CAMSAP1: variants seen among roughly 807,000 people sequenced by gnomAD.
CAMSAP1 encodes calmodulin regulated spectrin associated protein 1.
CAMSAP1 carries 58 observed loss-of-function variants against 143.5 expected under a neutral mutation model. The ratio of observed to expected loss-of-function variants is 0.40; its 90% CI spans 0.33 to 0.50. CAMSAP1 has a LOEUF of 0.50. Among genes scored for constraint, CAMSAP1 ranks in the 20% least tolerant of loss-of-function variants. The pLI is 0.45. For missense variants in CAMSAP1, 1,969 were observed against 2,115.7 expected, an observed-to-expected ratio of 0.93 and a Z score of 1.36; for synonymous variants, 945 against 859.3, an observed-to-expected ratio of 1.10 and a Z score of -1.74.
chr9:135,861,188 G>A (rs1330439165), intron 5 of CAMSAP1, among the ~76,000 whole-genome samples: 3 of 152,128 alleles, frequency 2.0e-5, no homozygotes, highest in Non-Finnish European at 4.4e-5. Flanking sequence ...ATAGGCCCAG[G>A]GCCAAACGAA....
chr9:135,873,777 A>T (rs1837642600), intron 3 of CAMSAP1, among the ~76,000 whole-genome samples: 1 of 152,196 alleles, frequency 6.6e-6, no homozygotes, highest in African/African-American at 2.4e-5. Flanking sequence ...ATTCATAATT[A>T]AAATCGTCTA....
chr9:135,901,598 G>A (rs1192118836), intron 1 of CAMSAP1, among the ~76,000 whole-genome samples: 1 of 152,104 alleles, frequency 6.6e-6, no homozygotes, highest in South Asian at 2.1e-4. Flanking sequence ...CTGGGCAACA[G>A]AGCAAGACCC....
rs942306449 is a variant in CAMSAP1 at position 135,824,818 on chromosome 9, T to C, written c.1286A>G (p.Gln429Arg). The change falls in exon 9 of 17, where the codon CAG (glutamine) becomes CGG (arginine). Residue 429 changes from glutamine to arginine, a missense_variant. Physicochemically the swap from Gln to Arg is conservative, Grantham distance 43. Transcript: ENST00000389532. This position sits in a 1 kb window ranked among gnomAD's most constrained non-coding sequence, Gnocchi z 4.1. ...HPLLPLRQKQ[Q>R]KSIQGEDIPD... Reference sequence around the variant, plus strand: ...GATGTCCTCTCCCTGTATGGATTTCTGCTGTTTCTGTCTCAGTGGCAATAA... The same window carrying C: ...GATGTCCTCTCCCTGTATGGATTTCCGCTGTTTCTGTCTCAGTGGCAATAA... The C allele has an allele frequency of 3.7e-6, 6 of 1,602,736 alleles. No homozygotes were observed. The African/African-American group carries it at 8.0e-5, about 21-fold the overall frequency.
chr9:135,827,316 TA>T (rs1056825869), intron 8 of CAMSAP1, 90 bp downstream of exon 8: 3 of 1,272,578 alleles, frequency 2.4e-6, no homozygotes, highest in East Asian at 2.7e-5. Flanking sequence ...TTGCTTATTT[TA>T]AAAAAGGTAA....
chr9:135,863,741 G>T (rs1252853644), intron 4 of CAMSAP1, among the ~76,000 whole-genome samples: 1 of 151,986 alleles, frequency 6.6e-6, no homozygotes, highest in East Asian at 1.9e-4. Flanking sequence ...TTGTTTCTCG[G>T]GAGCCCACGG....
rs1312913569 is a variant in CAMSAP1 at position 135,907,533 on chromosome 9, G to C, written c.-374C>G. On this transcript the variant is annotated 5_prime_UTR_variant, in exon 1 of 17. Transcript: ENST00000389532. ...CAGCGGCTGAGGCGGTGGCCAAGGA[G>C]CGGGAGCGCGCTCACCGCCGGGGCC... 6.7e-6 allele frequency among the ~76,000 whole-genome samples: 1 copy of C among 149,514 alleles called. No homozygotes were observed. Among genetic ancestry groups the C allele is most frequent in the Non-Finnish European group, 1.5e-5 (1 of 66,858 alleles).
chr9:135,870,967 TAATAG>T (rs1301838078), intron 3 of CAMSAP1, among the ~76,000 whole-genome samples: 1 of 152,204 alleles, frequency 6.6e-6, no homozygotes, highest in East Asian at 1.9e-4. Context: ...AATTTTGGTG[TAATAG>T]CAAAAACAGA....
chr9:135,905,301 T>C (rs972959287), intron 1 of CAMSAP1, among the ~76,000 whole-genome samples: 14 of 152,216 alleles, frequency 9.2e-5, no homozygotes, highest in African/African-American at 3.4e-4. Flanking sequence ...CCATGCTGAA[T>C]GCCAAAGCTA....
chr9:135,848,636 G>C (rs960125266), intron 7 of CAMSAP1, among the ~76,000 whole-genome samples: 2 of 152,178 alleles, frequency 1.3e-5, no homozygotes, highest in Admixed American at 1.3e-4. Context: ...ATTATCAGGA[G>C]AATCTTCCTT....
At chr9:135,865,472 G>A (rs1837342430) in intron 4 of CAMSAP1, 23 of 1,093,882 alleles carry the variant, frequency 2.1e-5, no homozygotes, top group South Asian at 1.4e-4. Context: ...CGGCAGAGGC[G>A]GGAGAGCCTC....
rs892346047 is a variant in CAMSAP1, at chr9:135,881,790, G to C, written c.428C>G (p.Ala143Gly). ...CAGGGCATCCACCATTGCCATGTGG[G>C]CACTCTAGGGGCAGAGGCAGCAGCT... ...DLSRAPIKMS[A>G]HMAMVDALMM... The change falls in exon 3 of 17, where the codon GCC becomes GGC. Residue 143 changes from alanine to glycine, a missense_variant. Ala to Gly is a moderately conservative substitution (Grantham distance 60). Coordinates refer to ENST00000389532, the MANE Select transcript of CAMSAP1 (RefSeq NM_015447.4). 1.9e-6 allele frequency: 3 copies of C among 1,551,864 alleles called. No individual in the cohort carries two copies. The highest frequency in any genetic ancestry group is 4.9e-5 in the East Asian group (2 of 40,932).
chr9:135,861,935 C>A (rs1009140474), intron 5 of CAMSAP1, among the ~76,000 whole-genome samples: 1 of 152,214 alleles, frequency 6.6e-6, no homozygotes, highest in East Asian at 1.9e-4. Context: ...ACACTGTCAT[C>A]GGAACGTCCC....
At position 135,862,483 on chromosome 9, in the gene CAMSAP1, C is replaced by T. The variant is rs1192040678; in HGVS notation, c.792G>A (p.Glu264=). ...TCCACTCACCATCCAGTTTCATCTG[C>T]TCTGGGCAATAATAGTGAATCACAG... ...LLAVIHYYCP[E]QMKLDDICLK... The change falls in exon 5 of 17, where the codon GAG becomes GAA. Residue 264 remains glutamate (E), a synonymous_variant. Coordinates refer to ENST00000389532, the MANE Select transcript of CAMSAP1 (RefSeq NM_015447.4). 6.4e-7 allele frequency: 1 copy of T among 1,551,412 alleles called. No individual in the cohort carries two copies. Among genetic ancestry groups the T allele is most frequent in the East Asian group, 2.4e-5 (1 of 40,914 alleles).
At position 135,907,097 on chromosome 9, in the gene CAMSAP1, G is replaced by A. The variant is rs1429598024; in HGVS notation, c.63C>T (p.Asp21=). The A allele has an allele frequency of 8.7e-7, 1 of 1,145,058 alleles. No individual in the cohort carries two copies. The highest frequency in any genetic ancestry group is 1.1e-6 in the Non-Finnish European group (1 of 928,944). 70.9% of individuals were successfully genotyped at this position (1,145,058 alleles called of 1,614,324 possible). ...CCAGGGGCACGAGGTCGGCGGCGCC[G>A]TCCGGCGGGGCCTCCATCTTCCTCC... The part of the protein sequence containing the change: ...EGWRKMEAPP[D]GAADLVPLDR... Residue 21 remains aspartate (D), a synonymous_variant, in exon 1 of 17, where the codon GAC becomes GAT. Coordinates refer to ENST00000389532, the MANE Select transcript of CAMSAP1 (RefSeq NM_015447.4).
chr9:135,831,381 C>A (rs1835854783), intron 7 of CAMSAP1, among the ~76,000 whole-genome samples: 1 of 152,044 alleles, frequency 6.6e-6, no homozygotes, highest in African/African-American at 2.4e-5. Context: ...GACCTGTAAT[C>A]CCAGCACTTT....
Position 135,882,115 on chromosome 9 carries a change from C to T in CAMSAP1, c.424-321G>A, listed in dbSNP as rs117808099. On this transcript the variant is annotated intron_variant, in intron 2 of 16. Transcript: ENST00000389532. This position sits in a 1 kb window ranked among gnomAD's most constrained non-coding sequence, Gnocchi z 4.9. ...AGCCCTGTGGGACTCCCAGGAAAGG[C>T]GGTGCAGCTCCCAGGTCGTGGTTGT... is the stretch of plus-strand genomic sequence containing the variant. Among the ~76,000 whole-genome samples, 1,025 of 152,290 alleles carry T rather than the reference C, an allele frequency of 6.7e-3. 10 individuals carry two copies. The highest frequency in any genetic ancestry group is 9.2e-3 in the Non-Finnish European group (624 of 68,014).
rs181011942 is a variant in CAMSAP1, at chr9:135,869,925, C to T, written c.586-3389G>A. Among the ~76,000 whole-genome samples, 6 of 152,266 alleles carry T rather than the reference C, an allele frequency of 3.9e-5. No individual in the cohort carries two copies. The East Asian group carries it at 5.8e-4, about 15-fold the overall frequency. On this transcript the variant is annotated intron_variant, in intron 3 of 16. Coordinates refer to ENST00000389532, the MANE Select transcript of CAMSAP1 (RefSeq NM_015447.4). ...CATGCTCTGTGAAAGATGCCAGGCACGGAAGATCACATACTGTATGATACC... is the reference window on the plus strand; with the variant it reads ...CATGCTCTGTGAAAGATGCCAGGCATGGAAGATCACATACTGTATGATACC...
chr9:135,876,091 G>T (rs1837738723), intron 3 of CAMSAP1, among the ~76,000 whole-genome samples: 2 of 152,174 alleles, frequency 1.3e-5, no homozygotes, highest in African/African-American at 4.8e-5. Context: ...GAGTAGCTGG[G>T]ATTACAGGCG....
At chr9:135,866,654 G>A (rs1452388467) in intron 3 of CAMSAP1, 118 bp from the exon 4 acceptor site, 1 of 630,012 alleles carries the variant, frequency 1.6e-6, no homozygotes, top group African/African-American at 1.8e-5. Context: ...CTAGACATAG[G>A]TATTGTTTAG....
Sources: gnomAD v4.1 joint callset for allele counts (sites outside exome capture counted in the v4.1 genomes callset) on GRCh38, gnomAD v4.1.1 for gene constraint, Gnocchi (gnomAD v3.1) non-coding constraint, MANE v1.5 for transcripts, NCBI Gene and HGNC (gene_info 2026-07-23, HGNC 2026-07-21) for gene names.